ABCB11: variants seen among roughly 807,000 people sequenced by gnomAD.
ABCB11 encodes bile salt export pump.
Under a neutral mutation model 148.0 loss-of-function variants are expected in ABCB11, and 95 were observed. The ratio of observed to expected loss-of-function variants is 0.64; its 90% confidence interval spans 0.54 to 0.76. The LOEUF is 0.76. Ranked by LOEUF, ABCB11 falls within the 30% of genes least tolerant of loss-of-function variation. The pLI is 0.00. For missense variants in ABCB11, 1,523 were observed against 1,617.8 expected (o/e 0.94, Z 1.01); for synonymous variants, 591 against 555.4 (o/e 1.06, Z -0.90).
chr2:168,938,647 T>C (rs949137051), intron 21 of ABCB11, among the ~76,000 whole-genome samples: 16 of 152,184 alleles, frequency 1.1e-4, no homozygotes, highest in Admixed American at 9.8e-4. Flanking sequence ...GCCATTCAGC[T>C]GTACACTTAA....
chr2:169,003,458 T>C (rs1694938673), intron 5 of ABCB11, among the ~76,000 whole-genome samples: 1 of 151,214 alleles, frequency 6.6e-6, no homozygotes, highest in Non-Finnish European at 1.5e-5. Flanking sequence ...ACGTAATATA[T>C]ATATTACATT....
At chr2:168,966,213 G>A (rs530591143) in intron 17 of ABCB11, among the ~76,000 whole-genome samples, 69 of 151,854 alleles carry the variant, frequency 4.5e-4, no homozygotes, top group Non-Finnish European at 8.5e-4. Flanking sequence ...GATAGGAGGA[G>A]ACTTAAGGTC....
chr2:168,944,760 C>T lies in ABCB11; in HGVS notation c.2455G>A (p.Ala819Thr). The change falls in exon 21 of 28, where the codon GCC (alanine) becomes ACC (threonine). Residue 819 changes from alanine (A) to threonine (T), a missense_variant. By Grantham distance (58) the Ala-to-Thr change is moderately conservative (BLOSUM62 0). Transcript: ENST00000650372. ...SLFTQFLQGYAFAKSGELLTK... is the reference protein window; with the variant it reads ...SLFTQFLQGYTFAKSGELLTK... ...AGGAGCTCCCCAGATTTAGCAAAGG[C>T]ATATCCCTAAAACATGAAGAGGGAG... 1.2e-6 allele frequency: 2 copies of T among 1,612,402 alleles called. No homozygotes were observed. Among genetic ancestry groups the T allele is most frequent in the South Asian group, 2.2e-5 (2 of 91,010 alleles).
chr2:168,956,221 A>G (rs1276319146), intron 19 of ABCB11, among the ~76,000 whole-genome samples: 1 of 151,624 alleles, frequency 6.6e-6, no homozygotes, highest in African/African-American at 2.4e-5. Context: ...TCACAAGAAT[A>G]GCAAGGGGGA....
chr2:168,939,314 A>G (rs1004048436), intron 21 of ABCB11, among the ~76,000 whole-genome samples: 4 of 152,066 alleles, frequency 2.6e-5, no homozygotes. Context: ...TTGGGGGGAT[A>G]TCATTATTTA....
At chr2:168,927,416 G>A (rs1691368085) in intron 25 of ABCB11, 54 bp from the exon 26 acceptor site, 2 of 1,463,198 alleles carry the variant, frequency 1.4e-6, no homozygotes, top group East Asian at 4.6e-5. Context: ...CAGCAGTGAG[G>A]AAAGTTCATA....
At chr2:168,972,075 C>A (rs1311095278) in intron 13 of ABCB11, 25 bp from the exon 14 acceptor site, 2 of 1,602,872 alleles carry the variant, frequency 1.2e-6, no homozygotes, top group South Asian at 1.1e-5. Flanking sequence ...CACAACATCA[C>A]AACTTTTGGA....
chr2:168,978,132 CTTTTTTTT>C (rs35964117), intron 11 of ABCB11, among the ~76,000 whole-genome samples: 8 of 53,128 alleles, frequency 1.5e-4, no homozygotes, highest in South Asian at 6.0e-4. Context: ...AATAAATTGA[CTTTTTTTT>C]TTTTTTTTTT....
intron 8 of ABCB11, among the ~76,000 whole-genome samples, chr2:168,991,793 T>C (rs1174956448): frequency 6.6e-6 from 1 of 150,828 alleles, no homozygotes; most frequent in Non-Finnish European, 1.5e-5. Flanking sequence ...GTACATTTTA[T>C]AAAACATGTG....
chr2:168,969,314 T>C, intron 16 of ABCB11, 36 bp downstream of exon 16: 1 of 1,555,996 alleles, frequency 6.4e-7, no homozygotes, highest in Non-Finnish European at 8.8e-7. Context: ...ATTAACTATT[T>C]AATATAACAT....
chr2:168,969,330 T>G lies in ABCB11; in HGVS notation c.2011+20A>C. Reference sequence around the variant, plus strand: ...TTAACTATTTAATATAACATACAAGTATAGGGAAAAAGCACTTGCCCTTTA... The same window carrying G: ...TTAACTATTTAATATAACATACAAGGATAGGGAAAAAGCACTTGCCCTTTA... On this transcript the variant is annotated intron_variant, in intron 16 of 27. Transcript: ENST00000650372. 6.3e-7 allele frequency: 1 copy of G among 1,598,810 alleles called. No homozygotes were observed. The highest frequency in any genetic ancestry group is 1.1e-5 in the South Asian group (1 of 89,658).
At chr2:169,012,627 C>T (rs972497023) in intron 5 of ABCB11, among the ~76,000 whole-genome samples, 30 of 151,306 alleles carry the variant, frequency 2.0e-4, no homozygotes, top group African/African-American at 7.3e-4. Context: ...GTAATCCCAG[C>T]TACTCAGGAG....
intron 19 of ABCB11, among the ~76,000 whole-genome samples, chr2:168,949,261 A>G (rs191929496): frequency 3.2e-4 from 49 of 151,752 alleles, no homozygotes; most frequent in African/African-American, 1.1e-3. Context: ...GATTTCTTAC[A>G]TGCATATTGA....
At chr2:168,945,190 T>C (rs1217284432) in intron 19 of ABCB11, among the ~76,000 whole-genome samples, 1 of 151,642 alleles carries the variant, frequency 6.6e-6, no homozygotes, top group Non-Finnish European at 1.5e-5. Context: ...GAGATGTTGA[T>C]AATGGGGGAG....
intron 12 of ABCB11, among the ~76,000 whole-genome samples, chr2:168,975,339 ATTTT>A: frequency 1.6e-5 from 1 of 61,486 alleles, no homozygotes; most frequent in Admixed American, 1.8e-4. Context: ...ATATATAAAT[ATTTT>A]TATATTTATA....
At chr2:169,015,459 T>A (rs1357224087) in intron 3 of ABCB11, among the ~76,000 whole-genome samples, 1 of 152,110 alleles carries the variant, frequency 6.6e-6, no homozygotes, top group Non-Finnish European at 1.5e-5. Flanking sequence ...TATATTCTAG[T>A]TCTCAACACC....
chr2:168,969,368 TAAG>T lies in ABCB11; in HGVS notation c.1990_1992del (p.Leu664del). 6.2e-7 allele frequency: 1 copy of T among 1,612,158 alleles called. No homozygotes were observed. Reference sequence around the variant, plus strand: ...CACTTGCCCTTTATGTCCTCTTCATTAAGAGCTTGATTTCCCTGGCTTTGCAAA... The same window carrying T: ...CACTTGCCCTTTATGTCCTCTTCATTAGCTTGATTTCCCTGGCTTTGCAAA... On this transcript the variant is annotated inframe_deletion, in exon 16 of 28. Transcript: ENST00000650372.
Position 168,976,442 on chromosome 2 carries a change from T to C in ABCB11, c.1308+135A>G, listed in dbSNP as rs1693908676. On this transcript the variant is annotated intron_variant, in intron 12 of 27. Coordinates refer to ENST00000650372, the MANE Select transcript of ABCB11 (RefSeq NM_003742.4). Reference sequence around the variant, plus strand: ...GAGATAAGCCAACACCCGAGGATACTTTCAGAGAAAGACACCTCCATTCCC... The same window carrying C: ...GAGATAAGCCAACACCCGAGGATACCTTCAGAGAAAGACACCTCCATTCCC... 8 of 534,576 alleles carry C rather than the reference T, an allele frequency of 1.5e-5. No individual in the cohort carries two copies. In the South Asian group the frequency reaches 1.8e-4, roughly 12 times the overall value. 33.1% of individuals were successfully genotyped at this position (534,576 alleles called of 1,614,324 possible). A position where few individuals can be genotyped will look rare whatever the true frequency, so the allele number is the denominator to read the frequency against.
intron 11 of ABCB11, among the ~76,000 whole-genome samples, chr2:168,978,744 G>T (rs150172288): frequency 1.9e-4 from 29 of 151,704 alleles, no homozygotes; most frequent in African/African-American, 6.8e-4. Flanking sequence ...TTTGAGACAC[G>T]TTCTCACTCT....
Sources: gnomAD v4.1 joint callset for allele counts (sites outside exome capture counted in the v4.1 genomes callset) on GRCh38, gnomAD v4.1.1 for gene constraint, MANE v1.5 for transcripts, NCBI Gene and HGNC (gene_info 2026-07-23, HGNC 2026-07-21) for gene names.